Variants in HIGD1C observed in about 807,000 individuals in gnomAD.
The protein encoded by HIGD1C is HIG1 domain family member 1C.
A neutral mutation model predicts 13.1 loss-of-function variants in HIGD1C; 11 were observed. That is an observed-to-expected ratio of 0.84 (90% CI 0.53 to 1.39). HIGD1C has a LOEUF of 1.39. Among genes scored for constraint, HIGD1C ranks in the 40% most tolerant of loss-of-function variants. The pLI is 0.00. For synonymous variants in HIGD1C, 36 were observed against 37.7 expected (o/e 0.95, Z 0.17); for missense variants, 110 against 112.0 (o/e 0.98, Z 0.08).
chr12:50,942,702 T>C, the HIGD1C span, among the ~76,000 whole-genome samples: 2 of 151,932 alleles, frequency 1.3e-5, no homozygotes, highest in East Asian at 3.9e-4. Context: ...ACCTCATCTC[T>C]ACAAATAAAA....
At chr12:50,940,450 G>A in the HIGD1C span, among the ~76,000 whole-genome samples, 6 of 152,148 alleles carry the variant, frequency 3.9e-5, no homozygotes, top group Non-Finnish European at 8.8e-5. Context: ...AGGTTTAATG[G>A]CTCACACCTG....
intron 2 of HIGD1C, among the ~76,000 whole-genome samples, chr12:50,966,492 C>A (rs1271386669): frequency 6.6e-6 from 1 of 152,118 alleles, no homozygotes; most frequent in Non-Finnish European, 1.5e-5. Context: ...CCAAGAGATG[C>A]CAGTAGAACT....
chr12:50,969,670 C>G (rs1296266681), intron 2 of HIGD1C, among the ~76,000 whole-genome samples: 1 of 150,728 alleles, frequency 6.6e-6, no homozygotes. Flanking sequence ...TTGTACCACT[C>G]CAGCCTGGGT....
At chr12:50,951,792 C>T (rs769302662), upstream of HIGD1C, among the ~76,000 whole-genome samples, 2 of 151,634 alleles carry the variant, frequency 1.3e-5, no homozygotes, top group Non-Finnish European at 2.9e-5. Flanking sequence ...CGTGGTGTGG[C>T]GCTTCTATAG....
At chr12:50,954,602 T>C (rs1476747209) in intron 1 of HIGD1C, among the ~76,000 whole-genome samples, 2 of 152,158 alleles carry the variant, frequency 1.3e-5, no homozygotes, top group East Asian at 1.9e-4. Context: ...GGCTCATGCC[T>C]GTAATCCCAG....
chr12:50,951,499 CACA>C (rs1815413437), upstream of HIGD1C, among the ~76,000 whole-genome samples: 1 of 152,184 alleles, frequency 6.6e-6, no homozygotes, highest in African/African-American at 2.4e-5. Context: ...CTAAGAAGAG[CACA>C]ACATCATTTT....
chr12:50,936,131 C>T, the HIGD1C span, among the ~76,000 whole-genome samples: 1 of 148,978 alleles, frequency 6.7e-6, no homozygotes, highest in African/African-American at 2.5e-5. Flanking sequence ...TGCACTCCAG[C>T]CTGGGCAACA....
upstream of HIGD1C, among the ~76,000 whole-genome samples, chr12:50,949,911 C>T (rs1938859724): frequency 6.6e-6 from 1 of 152,166 alleles, no homozygotes; most frequent in African/African-American, 2.4e-5. Flanking sequence ...CCCCCAAAAC[C>T]CCACTTCCAG....
chr12:50,934,816 T>C, the HIGD1C span: 2 of 152,226 alleles, frequency 1.3e-5, no homozygotes, highest in South Asian at 4.1e-4. Flanking sequence ...GGGCAGATTC[T>C]AGGATGGTTA....
At chr12:50,972,342 G>C (rs1198000417), downstream of HIGD1C, among the ~76,000 whole-genome samples, 2 of 152,098 alleles carry the variant, frequency 1.3e-5, no homozygotes, top group East Asian at 1.9e-4. Context: ...CTTGAAAAAA[G>C]CAATGCTAAG....
At chr12:50,951,799 A>G (rs966742999), upstream of HIGD1C, among the ~76,000 whole-genome samples, 2 of 151,758 alleles carry the variant, frequency 1.3e-5, no homozygotes, top group Non-Finnish European at 2.9e-5. Flanking sequence ...TGGCGCTTCT[A>G]TAGTCCTAGC....
At chr12:50,965,035 T>C (rs1264721877) in intron 2 of HIGD1C, among the ~76,000 whole-genome samples, 1 of 152,168 alleles carries the variant, frequency 6.6e-6, no homozygotes, top group Admixed American at 6.5e-5. Context: ...TCTGGCATCT[T>C]TGAAGTCCTT....
chr12:50,944,364 C>A, the HIGD1C span, among the ~76,000 whole-genome samples: 2 of 152,106 alleles, frequency 1.3e-5, no homozygotes, highest in Non-Finnish European at 2.9e-5. Flanking sequence ...AATAACACAC[C>A]AGGCCAGGCA....
chr12:50,965,695 G>C (rs1939515014), intron 2 of HIGD1C, among the ~76,000 whole-genome samples: 1 of 152,164 alleles, frequency 6.6e-6, no homozygotes, highest in Non-Finnish European at 1.5e-5. Flanking sequence ...GTATGGATTA[G>C]TGTCAATTTA....
downstream of HIGD1C, among the ~76,000 whole-genome samples, chr12:50,972,208 A>C (rs1171246388): frequency 6.6e-6 from 1 of 152,242 alleles, no homozygotes; most frequent in Admixed American, 6.5e-5. Flanking sequence ...CTACCTTCTC[A>C]ATATGTACTC....
intron 1 of HIGD1C, among the ~76,000 whole-genome samples, chr12:50,958,443 G>A (rs543485027): frequency 1.9e-4 from 28 of 151,026 alleles, no homozygotes; most frequent in African/African-American, 6.3e-4. Flanking sequence ...CACCACACCC[G>A]GCTAATTTTT....
At chr12:50,952,108 G>A (rs1565954099), upstream of HIGD1C, among the ~76,000 whole-genome samples, 1 of 143,564 alleles carries the variant, frequency 7.0e-6, no homozygotes, top group Non-Finnish European at 1.5e-5. Context: ...TGGGACAACT[G>A]GTGAATATGA....
chr12:50,947,771 G>C, the HIGD1C span, among the ~76,000 whole-genome samples: 1 of 152,130 alleles, frequency 6.6e-6, no homozygotes, highest in Non-Finnish European at 1.5e-5. Context: ...CCTTCAGTGA[G>C]GCATCAAACT....
chr12:50,949,313 C>T (rs969066452), upstream of HIGD1C: 1 of 153,254 alleles, frequency 6.5e-6, no homozygotes, highest in Non-Finnish European at 1.5e-5. Context: ...TCTTTTTCTT[C>T]TTCTGCTTGA....
Sources: gnomAD v4.1 joint callset for allele counts (sites outside exome capture counted in the v4.1 genomes callset) on GRCh38, gnomAD v4.1.1 for gene constraint, MANE v1.5 for transcripts, NCBI Gene and HGNC (gene_info 2026-07-23, HGNC 2026-07-21) for gene names.